The following TSNARE1 variants were observed in gnomAD, a reference collection of about 807,000 sequenced individuals.
The protein encoded by TSNARE1 is t-SNARE domain-containing protein 1.
TSNARE1 carries 49 observed loss-of-function variants against 62.0 expected under a neutral mutation model. The ratio of observed to expected loss-of-function variants is 0.79; its 90% CI spans 0.63 to 1.00. The LOEUF (loss-of-function observed/expected upper bound fraction) is 1.00. Ranked by LOEUF, TSNARE1 falls within the 50% of genes least tolerant of loss-of-function variation. The pLI, the probability that TSNARE1 is intolerant of heterozygous loss-of-function variation, is 0.00. For synonymous variants in TSNARE1, 328 were observed against 294.4 expected (o/e 1.11, Z -1.17); for missense variants, 755 against 700.1 (o/e 1.08, Z -0.88).
chr8:142,357,574 T>C (rs1036185973), intron 1 of TSNARE1, among the ~76,000 whole-genome samples: 1 of 151,936 alleles, frequency 6.6e-6, no homozygotes, highest in African/African-American at 2.4e-5. Flanking sequence ...GAGCTAGGGA[T>C]TGGCACGGAA....
In TSNARE1 at chr8:142,344,193, G is replaced by A. The variant is rs759176970; in HGVS notation, c.518C>T (p.Ala173Val). ...AACGTCGCGGCGACAGTAGCCCAGC[G>A]CATTCACGGCCTGCAGGATGCGGCT... ...VWSRILQAVN[A>V]LGYCRRDVVD... is the part of the protein sequence containing the mutation. Residue 173 changes from alanine (A) to valine (V), a missense_variant, in exon 4 of 14, where the codon GCG becomes GTG. Ala to Val is a moderately conservative substitution (Grantham distance 64). Coordinates refer to ENST00000524325, the MANE Select transcript of TSNARE1 (RefSeq NM_145003.5). 5.5e-5 allele frequency: 88 copies of A among 1,613,426 alleles called. No individual in the cohort carries two copies. Among genetic ancestry groups the A allele is most frequent in the East Asian group, 8.9e-5 (4 of 44,870 alleles).
intron 10 of TSNARE1, among the ~76,000 whole-genome samples, chr8:142,287,966 G>T (rs1427482333): frequency 6.6e-6 from 1 of 152,272 alleles, no homozygotes; most frequent in Non-Finnish European, 1.5e-5. Flanking sequence ...GCTCCCTTCA[G>T]GACGTCCCGT....
chr8:142,314,236 G>A (rs1199574436), intron 9 of TSNARE1, 148 bp downstream of exon 9: 5 of 675,778 alleles, frequency 7.4e-6, no homozygotes, highest in African/African-American at 3.6e-5. Context: ...AGGTCAAAAT[G>A]CCCACGTTTT....
Position 142,291,724 on chromosome 8 carries a change from G to T in TSNARE1, c.1291-7239C>A, listed in dbSNP as rs903104968. Among the ~76,000 whole-genome samples the T allele has an allele frequency of 1.3e-5, 2 of 152,188 alleles. No individual in the cohort carries two copies. The highest frequency in any genetic ancestry group is 2.9e-5 in the Non-Finnish European group (2 of 68,038). On this transcript the variant is annotated intron_variant, in intron 10 of 13. Transcript: ENST00000524325. The surrounding 1 kb of genome is among the most constrained non-coding windows in gnomAD (Gnocchi z 4.8). ...ACCCAACAGTGTGTGGGGGGCGAGC[G>T]TGGGAGCGGCAGGGGTTAGAGGACA...
At chr8:142,212,651 C>T (rs1815607229) in intron 13 of TSNARE1, among the ~76,000 whole-genome samples, 1 of 152,020 alleles carries the variant, frequency 6.6e-6, no homozygotes, top group South Asian at 2.1e-4. Flanking sequence ...CCGAGTCCAC[C>T]GGAGCTCCCC....
At chr8:142,270,038 T>C (rs1363086131) in intron 12 of TSNARE1, 21 of 985,314 alleles carry the variant, frequency 2.1e-5, no homozygotes, top group Non-Finnish European at 2.3e-5. Context: ...CTCAAGCCAG[T>C]CAGCCAGCAT....
At chr8:142,309,520 C>T (rs1419727487) in intron 9 of TSNARE1, among the ~76,000 whole-genome samples, 1 of 152,182 alleles carries the variant, frequency 6.6e-6, no homozygotes, top group Non-Finnish European at 1.5e-5. Context: ...ATGACCTGTA[C>T]ACATTTCCTC....
intron 13 of TSNARE1, among the ~76,000 whole-genome samples, chr8:142,222,600 C>CCACTGACTCATG (rs1187178049): frequency 8.9e-6 from 1 of 112,362 alleles, no homozygotes; most frequent in Non-Finnish European, 1.8e-5. Flanking sequence ...ACTCATTCAT[C>CCACTGACTCATG]CACTCACTCA....
At chr8:142,366,472 T>C (rs1835558641) in intron 1 of TSNARE1, among the ~76,000 whole-genome samples, 1 of 152,214 alleles carries the variant, frequency 6.6e-6, no homozygotes, top group Non-Finnish European at 1.5e-5. Context: ...TTCCCAGGAA[T>C]GCAAGGCTAG....
Position 142,331,797 on chromosome 8 carries a change from C to T in TSNARE1, c.780G>A (p.Leu260=). 1 of 1,608,784 alleles carries T rather than the reference C, an allele frequency of 6.2e-7. No individual in the cohort carries two copies. The highest frequency in any genetic ancestry group is 8.5e-7 in the Non-Finnish European group (1 of 1,177,720). ...AGACGTTGGCCGACATCTCCTGGAA[C>T]AGCTCCTGGAGGTTGCACGGATCGA... ...TQVDPCNLQE[L]FQEMSANVFR... Residue 260 remains leucine (L), a synonymous_variant, in exon 5 of 14, where the codon CTG becomes CTA. Coordinates refer to ENST00000524325, the MANE Select transcript of TSNARE1 (RefSeq NM_145003.5).
intron 1 of TSNARE1, among the ~76,000 whole-genome samples, chr8:142,379,283 A>C (rs1406941788): frequency 6.6e-6 from 1 of 152,182 alleles, no homozygotes; most frequent in Non-Finnish European, 1.5e-5. Context: ...GTAAGCCTCC[A>C]GGGGCTGCCT....
intron 1 of TSNARE1, among the ~76,000 whole-genome samples, chr8:142,379,488 G>C (rs577284913): frequency 2.6e-5 from 4 of 152,228 alleles, no homozygotes; most frequent in African/African-American, 7.2e-5. Context: ...AAACAAACAC[G>C]GCCAACACCA....
chr8:142,293,757 G>T (rs1005208302), intron 10 of TSNARE1, among the ~76,000 whole-genome samples: 1 of 152,212 alleles, frequency 6.6e-6, no homozygotes, highest in Non-Finnish European at 1.5e-5. Flanking sequence ...GGTGCTATTG[G>T]TGTTCAGACG....
intron 1 of TSNARE1, among the ~76,000 whole-genome samples, chr8:142,371,175 G>A (rs1422519153): frequency 6.6e-6 from 1 of 152,186 alleles, no homozygotes; most frequent in Admixed American, 6.5e-5. Flanking sequence ...GAACAGCCTT[G>A]TATCTATTAA....
intron 6 of TSNARE1, among the ~76,000 whole-genome samples, chr8:142,323,306 G>A (rs562713231): frequency 3.2e-4 from 49 of 152,328 alleles, no homozygotes; most frequent in African/African-American, 1.0e-3. Flanking sequence ...GAGGAGATGC[G>A]TTTGGGCAGC....
At chr8:142,278,570 G>A (rs910896563) in intron 11 of TSNARE1, 15 of 985,352 alleles carry the variant, frequency 1.5e-5, no homozygotes, top group Non-Finnish European at 7.2e-6. Context: ...GAGAGGAGGT[G>A]CGGTGGGAGG....
chr8:142,253,819 C>T (rs1818296416), intron 12 of TSNARE1, among the ~76,000 whole-genome samples: 1 of 152,222 alleles, frequency 6.6e-6, no homozygotes, highest in Non-Finnish European at 1.5e-5. Flanking sequence ...GCACGTGGCC[C>T]ATGTTGTGTG....
intron 4 of TSNARE1, among the ~76,000 whole-genome samples, chr8:142,332,822 G>T (rs1432939601): frequency 6.6e-6 from 1 of 152,006 alleles, no homozygotes; most frequent in Non-Finnish European, 1.5e-5. Context: ...CAGTCCCAGG[G>T]TTTACACAGA....
At chr8:142,333,670 T>A (rs1166050885) in intron 4 of TSNARE1, among the ~76,000 whole-genome samples, 1 of 152,164 alleles carries the variant, frequency 6.6e-6, no homozygotes, top group African/African-American at 2.4e-5. Context: ...TGGCACTCCA[T>A]CTGGGTGCAC....
Sources: gnomAD v4.1 joint callset for allele counts (sites outside exome capture counted in the v4.1 genomes callset) on GRCh38, gnomAD v4.1.1 for gene constraint, Gnocchi (gnomAD v3.1) non-coding constraint, MANE v1.5 for transcripts, NCBI Gene and HGNC (gene_info 2026-07-23, HGNC 2026-07-21) for gene names.